Variants in TNIK observed in about 807,000 individuals in gnomAD.
TNIK encodes TRAF2 and NCK-interacting protein kinase.
TNIK carries 49 observed loss-of-function variants against 191.3 expected under a neutral mutation model. The ratio of observed to expected loss-of-function variants is 0.26; its 90% CI spans 0.20 to 0.32. TNIK has a LOEUF of 0.32. TNIK is among the 10% of genes least tolerant of loss of function. TNIK has a pLI of 1.00. For missense variants in TNIK, 1,155 were observed against 1,702.3 expected, an observed-to-expected ratio of 0.68 and a Z score of 5.66; for synonymous variants, 594 against 600.9, an observed-to-expected ratio of 0.99 and a Z score of 0.17.
At chr3:171,198,802 A>C (rs1739040725) in intron 4 of TNIK, among the ~76,000 whole-genome samples, 1 of 152,218 alleles carries the variant, frequency 6.6e-6, no homozygotes, top group African/African-American at 2.4e-5. Context: ...GATGGACCAA[A>C]GAAACATCTT....
intron 1 of TNIK, among the ~76,000 whole-genome samples, chr3:171,397,431 T>C (rs1720396604): frequency 1.3e-5 from 2 of 152,180 alleles, no homozygotes; most frequent in Non-Finnish European, 2.9e-5. Flanking sequence ...TTGACTCAAG[T>C]AAACTATTGC....
chr3:171,241,174 G>A (rs1744938638), intron 2 of TNIK, among the ~76,000 whole-genome samples: 1 of 151,900 alleles, frequency 6.6e-6, no homozygotes, highest in African/African-American at 2.4e-5. Context: ...GGGATTACAG[G>A]TGCGCACCAC....
intron 8 of TNIK, among the ~76,000 whole-genome samples, chr3:171,176,576 T>A (rs560829630): frequency 6.6e-6 from 1 of 152,262 alleles, no homozygotes; most frequent in East Asian, 1.9e-4. Context: ...GTCCTGCAGG[T>A]CTTGTAAAGT....
chr3:171,094,662 T>C (rs1196323000), intron 22 of TNIK, among the ~76,000 whole-genome samples: 1 of 152,164 alleles, frequency 6.6e-6, no homozygotes, highest in Non-Finnish European at 1.5e-5. Flanking sequence ...TTACACATGC[T>C]GTTCCCTCTG....
chr3:171,414,361 A>G (rs567708455), intron 1 of TNIK, among the ~76,000 whole-genome samples: 1 of 152,352 alleles, frequency 6.6e-6, no homozygotes, highest in East Asian at 1.9e-4. Flanking sequence ...TTTAAGAAGC[A>G]TTGTACCTTG....
At chr3:171,416,682 G>A (rs1249735992) in intron 1 of TNIK, among the ~76,000 whole-genome samples, 1 of 152,102 alleles carries the variant, frequency 6.6e-6, no homozygotes, top group Non-Finnish European at 1.5e-5. Context: ...TCTCATCACA[G>A]TAATATCTAT....
At chr3:171,135,208 T>C (rs2108609603) in intron 15 of TNIK, among the ~76,000 whole-genome samples, 1 of 152,380 alleles carries the variant, frequency 6.6e-6, no homozygotes, top group South Asian at 2.1e-4. Context: ...TTGAAACGTG[T>C]ATTACTACTT....
At chr3:171,323,815 A>G (rs1167116905) in intron 2 of TNIK, among the ~76,000 whole-genome samples, 4 of 152,212 alleles carry the variant, frequency 2.6e-5, no homozygotes, top group South Asian at 2.1e-4. Context: ...TTCATAAGCT[A>G]TGATCTAGAG....
At chr3:171,236,681 A>G (rs1293828780) in intron 2 of TNIK, among the ~76,000 whole-genome samples, 25 of 152,284 alleles carry the variant, frequency 1.6e-4, no homozygotes. Context: ...AAGATTTCAA[A>G]TCAATAGCTC....
chr3:171,068,858 A>G lies in TNIK; in HGVS notation c.3689T>C (p.Ile1230Thr). 1 of 1,613,508 alleles carries G rather than the reference A, an allele frequency of 6.2e-7. No homozygotes were observed. Among genetic ancestry groups the G allele is most frequent in the Non-Finnish European group, 8.5e-7 (1 of 1,179,640 alleles). The change falls in exon 30 of 33, where the codon ATA becomes ACA. Residue 1230 changes from isoleucine (I) to threonine (T), a missense_variant. By Grantham distance (89) the Ile-to-Thr change is moderately conservative. Coordinates refer to ENST00000436636, the MANE Select transcript of TNIK (RefSeq NM_015028.4). ...VDSGNSYDIYIPSHIQGNITP... is the reference protein window; with the variant it reads ...VDSGNSYDIYTPSHIQGNITP... ...CTTCTGAGTACTTACATGAGATGGT[A>G]TGTAGATATCATAAGAGTTTCCTGA... is the stretch of plus-strand genomic sequence containing the variant.
chr3:171,317,475 C>T (rs553740122), intron 2 of TNIK, among the ~76,000 whole-genome samples: 4 of 152,076 alleles, frequency 2.6e-5, no homozygotes, highest in African/African-American at 7.2e-5. Flanking sequence ...CAAAAGTCTT[C>T]GGTAATAATG....
At chr3:171,250,908 G>A (rs1397380709) in intron 2 of TNIK, among the ~76,000 whole-genome samples, 1 of 152,124 alleles carries the variant, frequency 6.6e-6, no homozygotes, top group African/African-American at 2.4e-5. Context: ...ATCAATTGAT[G>A]GTGTCCCAGA....
chr3:171,297,119 G>A (rs898425944), intron 2 of TNIK, among the ~76,000 whole-genome samples: 1 of 152,154 alleles, frequency 6.6e-6, no homozygotes, highest in Non-Finnish European at 1.5e-5. Flanking sequence ...CGTTTTCAGT[G>A]TTGGCTCTGA....
At chr3:171,405,047 T>C (rs1721483324) in intron 1 of TNIK, among the ~76,000 whole-genome samples, 1 of 152,230 alleles carries the variant, frequency 6.6e-6, no homozygotes, top group Non-Finnish European at 1.5e-5. Flanking sequence ...GGTTAGCTTG[T>C]GTGGTCTTCC....
chr3:171,390,323 T>C (rs1287961470), intron 1 of TNIK, among the ~76,000 whole-genome samples: 1 of 152,176 alleles, frequency 6.6e-6, no homozygotes, highest in Non-Finnish European at 1.5e-5. Context: ...TGTTAATTAC[T>C]GCCACACCGT....
intron 2 of TNIK, among the ~76,000 whole-genome samples, chr3:171,314,963 C>T (rs1242140923): frequency 6.6e-6 from 1 of 152,104 alleles, no homozygotes; most frequent in Non-Finnish European, 1.5e-5. Context: ...GGAACTCAAT[C>T]AACAACTGTA....
At chr3:171,128,600 AG>A (rs779031745) in intron 16 of TNIK, 113 bp downstream of exon 16, 5 of 1,293,902 alleles carry the variant, frequency 3.9e-6, no homozygotes, top group Admixed American at 2.9e-5. Flanking sequence ...TTCTATATTA[AG>A]GGTCATAATT....
intron 17 of TNIK, among the ~76,000 whole-genome samples, chr3:171,123,926 A>G (rs186919368): frequency 1.7e-4 from 26 of 152,346 alleles, no homozygotes; most frequent in African/African-American, 6.3e-4. Context: ...ACCATTAAAG[A>G]GGGTCATCCT....
At chr3:171,284,118 A>AG (rs762405687) in intron 2 of TNIK, among the ~76,000 whole-genome samples, 2 of 151,936 alleles carry the variant, frequency 1.3e-5, no homozygotes, top group Non-Finnish European at 1.5e-5. Context: ...GAAACTCTGG[A>AG]GGGGGGCGGC....
Sources: gnomAD v4.1 joint callset for allele counts (sites outside exome capture counted in the v4.1 genomes callset) on GRCh38, gnomAD v4.1.1 for gene constraint, MANE v1.5 for transcripts, NCBI Gene and HGNC (gene_info 2026-07-23, HGNC 2026-07-21) for gene names.